Variants in CHIT1 observed in about 807,000 individuals in gnomAD.
CHIT1 encodes chitinase 1, also known as chitotriosidase-1.
A neutral mutation model predicts 52.0 loss-of-function variants in CHIT1; 47 were observed. The ratio of observed to expected loss-of-function variants is 0.90; its 90% CI spans 0.71 to 1.15. The LOEUF is 1.15. Ranked by LOEUF, CHIT1 falls within the 50% of genes most tolerant of loss-of-function variation. The pLI is 0.00. For synonymous variants in CHIT1, 242 were observed against 228.2 expected (o/e 1.06, Z -0.54); for missense variants, 569 against 583.0 (o/e 0.98, Z 0.25).
rs375080789 is a variant in CHIT1 at position 203,224,956 on chromosome 1, C to T, written c.314+92G>A. On this transcript the variant is annotated intron_variant, in intron 4 of 10. Coordinates refer to ENST00000367229, the MANE Select transcript of CHIT1 (RefSeq NM_003465.3). ...CCCTTTCCCCTGACCACACCTCAGCCTGGCCTGATTCCCTGACCAGGGCTC... is the reference window on the plus strand; with the variant it reads ...CCCTTTCCCCTGACCACACCTCAGCTTGGCCTGATTCCCTGACCAGGGCTC... 9.2e-5 allele frequency: 110 copies of T among 1,196,430 alleles called. No individual in the cohort carries two copies. In the East Asian group the frequency reaches 2.0e-3, roughly 22 times the overall value. 74.1% of individuals were successfully genotyped at this position (1,196,430 alleles called of 1,614,324 possible). A position where few individuals can be genotyped will look rare whatever the true frequency, so the allele number is the denominator to read the frequency against.
At chr1:203,228,640 A>G (rs551862478) in intron 1 of CHIT1, 78 bp from the exon 2 acceptor site, 4 of 1,497,938 alleles carry the variant, frequency 2.7e-6, no homozygotes, top group East Asian at 4.9e-5. Context: ...ACGGAAGCAC[A>G]GGAGGTGGTC....
intron 7 of CHIT1, 102 bp downstream of exon 7, chr1:203,222,100 C>T: frequency 1.3e-6 from 2 of 1,516,864 alleles, no homozygotes; most frequent in Admixed American, 1.7e-5. Context: ...TTCTCAGTGC[C>T]CTGTGTCTTT....
intron 2 of CHIT1, 114 bp downstream of exon 2, chr1:203,228,419 G>T (rs1056649284): frequency 8.7e-7 from 1 of 1,147,066 alleles, no homozygotes; most frequent in Non-Finnish European, 1.3e-6. Context: ...AGCTTTGGAA[G>T]AGAGTCCCCA....
At chr1:203,217,504 G>T (rs1276052115) in intron 10 of CHIT1, 3 of 1,120,064 alleles carry the variant, frequency 2.7e-6, no homozygotes, top group East Asian at 2.7e-5. Context: ...GGGAAGCCAC[G>T]GTTACAACAA....
chr1:203,216,984 T>A lies in CHIT1; in HGVS notation c.1306A>T (p.Ser436Cys), dbSNP rs374174850. The change falls in exon 11 of 11, where the codon AGC becomes TGC. Residue 436 changes from serine to cysteine, a missense_variant. Transcript: ENST00000367229. ...GLYPNPRERS[S>C]FYSCAAGRLF... ...CGCCCCGCTGCACAGCTGTAGAAGC[T>A]GGACCGTTCCCGAGGATTGGGATAG... 1 of 1,614,194 alleles carries A rather than the reference T, an allele frequency of 6.2e-7. No individual in the cohort carries two copies. Among genetic ancestry groups the A allele is most frequent in the South Asian group, 1.1e-5 (1 of 91,088 alleles).
At chr1:203,222,106 T>C (rs1656757663) in intron 7 of CHIT1, 96 bp downstream of exon 7, 1 of 1,552,544 alleles carries the variant, frequency 6.4e-7, no homozygotes, top group South Asian at 1.1e-5. Flanking sequence ...GTGCCCTGTG[T>C]CTTTTTTCCC....
At chr1:203,223,773 G>A in intron 4 of CHIT1, 113 bp from the exon 5 acceptor site, 1 of 1,125,584 alleles carries the variant, frequency 8.9e-7, no homozygotes, top group South Asian at 1.2e-5. Flanking sequence ...GTCTGGGCTA[G>A]GAGGGGCACT....
At position 203,223,628 on chromosome 1, in the gene CHIT1, C is replaced by CAAA. The variant is rs1310672235; in HGVS notation, c.346_347insTTT (p.Arg116delinsLeuCys). ...GATGGCCGAGTTGACAAAGGTCTGACGGTTGTTGGCCGTGGCTACCATATC... is the reference window on the plus strand; with the variant it reads ...GATGGCCGAGTTGACAAAGGTCTGACAAAGGTTGTTGGCCGTGGCTACCATATC... On this transcript the variant is annotated protein_altering_variant, in exon 5 of 11. Transcript: ENST00000367229. 1 of 1,614,112 alleles carries CAAA rather than the reference C, an allele frequency of 6.2e-7. No homozygotes were observed. Among genetic ancestry groups the CAAA allele is most frequent in the East Asian group, 2.2e-5 (1 of 44,902 alleles).
chr1:203,221,120 C>T (rs1028757090), intron 7 of CHIT1, among the ~76,000 whole-genome samples: 1 of 152,186 alleles, frequency 6.6e-6, no homozygotes. Context: ...CAAAGAGGTG[C>T]TCTTTATTCA....
chr1:203,217,058 C>A lies in CHIT1; in HGVS notation c.1232G>T (p.Gly411Val), dbSNP rs948802249. 7 of 1,613,724 alleles carry A rather than the reference C, an allele frequency of 4.3e-6. No individual in the cohort carries two copies. Among genetic ancestry groups the A allele is most frequent in the Admixed American group, 1.7e-5 (1 of 60,004 alleles). Reference sequence around the variant, plus strand: ...GAACGTGTCTTGTCCAGGGCTGGGGCCATGCTCAGGTTCAGAGGGCTGACC... The same window carrying A: ...GAACGTGTCTTGTCCAGGGCTGGGGACATGCTCAGGTTCAGAGGGCTGACC... The part of the protein sequence containing the change: ...KPGQPSEPEH[G>V]PSPGQDTFCQ... Residue 411 changes from glycine (G) to valine (V), a missense_variant, in exon 11 of 11, where the codon GGC (glycine) becomes GTC (valine). By Grantham distance (109) the Gly-to-Val change is moderately radical (BLOSUM62 -3). Transcript: ENST00000367229.
Position 203,216,796 on chromosome 1 carries a change from C to T in CHIT1, c.*93G>A, listed in dbSNP as rs775890263. ...AAGACCACAGAAAGGCCTGCAGGAG[C>T]CAGATTGCGGCCCCCAGGGAAAACC... On this transcript the variant is annotated 3_prime_UTR_variant, in exon 11 of 11. Transcript: ENST00000367229. 1 of 1,549,742 alleles carries T rather than the reference C, an allele frequency of 6.5e-7. No homozygotes were observed. Among genetic ancestry groups the T allele is most frequent in the African/African-American group, 1.4e-5 (1 of 73,646 alleles).
Position 203,222,231 on chromosome 1 carries a change from C to G in CHIT1, c.700G>C (p.Glu234Gln). The G allele has an allele frequency of 6.2e-7, 1 of 1,614,224 alleles. No individual in the cohort carries two copies. The highest frequency in any genetic ancestry group is 8.5e-7 in the Non-Finnish European group (1 of 1,180,052). Residue 234 changes from glutamate (E) to glutamine (Q), a missense_variant, in exon 7 of 11, where the codon GAG becomes CAG. Physicochemically the swap from Glu to Gln is conservative, Grantham distance 29. Coordinates refer to ENST00000367229, the MANE Select transcript of CHIT1 (RefSeq NM_003465.3). ...HNSPLYKRQE[E>Q]SGAAASLNVD... ...TTGAGGCTGGCTGCTGCACCACTCT[C>G]TTCTTGCCTCTTGTAGAGGGGGCTG... is the stretch of plus-strand genomic sequence containing the variant.
Position 203,223,539 on chromosome 1 carries a change from C to T in CHIT1, c.436G>A (p.Gly146Arg), listed in dbSNP as rs757592910. ...DLDWEYPGSQ[G>R]SPAVDKERFT... Reference sequence around the variant, plus strand: ...CGCTCCTTGTCTACGGCAGGGCTCCCCTGGCTTCCTGGGTACTCCCAGTCA... The same window carrying T: ...CGCTCCTTGTCTACGGCAGGGCTCCTCTGGCTTCCTGGGTACTCCCAGTCA... Residue 146 changes from glycine (G) to arginine (R), a missense_variant, in exon 5 of 11, where the codon GGG becomes AGG. Gly to Arg is a moderately radical substitution (Grantham distance 125). Coordinates refer to ENST00000367229, the MANE Select transcript of CHIT1 (RefSeq NM_003465.3). The T allele has an allele frequency of 6.8e-6, 11 of 1,614,108 alleles. No homozygotes were observed. Among genetic ancestry groups the T allele is most frequent in the African/African-American group, 1.3e-5 (1 of 74,940 alleles).
At chr1:203,223,806 C>T (rs1278276860) in intron 4 of CHIT1, 146 bp from the exon 5 acceptor site, 3 of 846,458 alleles carry the variant, frequency 3.5e-6, no homozygotes, top group African/African-American at 3.3e-5. Flanking sequence ...TCAGAGGCTG[C>T]AGGGATATTT....
intron 1 of CHIT1, 83 bp from the exon 2 acceptor site, chr1:203,228,645 G>T: frequency 6.8e-7 from 1 of 1,475,202 alleles, no homozygotes; most frequent in Non-Finnish European, 9.3e-7. Context: ...AGCACAGGAG[G>T]TGGTCAGGGA....
rs1281813541 is a variant in CHIT1 at position 203,216,124 on chromosome 1, C to G, written c.*765G>C. ...TTAACCAGGACACCGTGTGCATGCTCTCTGGCCCATTTCAGGCCTTGGTTC... is the reference window on the plus strand; with the variant it reads ...TTAACCAGGACACCGTGTGCATGCTGTCTGGCCCATTTCAGGCCTTGGTTC... On this transcript the variant is annotated 3_prime_UTR_variant, in exon 11 of 11. Coordinates refer to ENST00000367229, the MANE Select transcript of CHIT1 (RefSeq NM_003465.3). 2.2e-6 allele frequency: 1 copy of G among 454,044 alleles called. No individual in the cohort carries two copies. The highest frequency in any genetic ancestry group is 4.4e-6 in the Non-Finnish European group (1 of 226,806). 28.1% of individuals were successfully genotyped at this position (454,044 alleles called of 1,614,324 possible).
chr1:203,223,486 C>A lies in CHIT1; in HGVS notation c.480+9G>T, dbSNP rs1437368711. On this transcript the variant is annotated intron_variant, in intron 5 of 10. Coordinates refer to ENST00000367229, the MANE Select transcript of CHIT1 (RefSeq NM_003465.3). The stretch of plus-strand genomic sequence containing the variant: ...ACAGACTGGTGATCCCCGCCCCGCC[C>A]AGCCATACCTGTACCAGGGTTGTGA... The A allele has an allele frequency of 6.2e-7, 1 of 1,613,996 alleles. No homozygotes were observed. The highest frequency in any genetic ancestry group is 2.2e-5 in the East Asian group (1 of 44,878).
At chr1:203,218,108 G>A (rs1248438689) in intron 9 of CHIT1, 1 of 1,474,474 alleles carries the variant, frequency 6.8e-7, no homozygotes, top group Non-Finnish European at 9.0e-7. Flanking sequence ...TGGGGTGGGT[G>A]CAGTCGGGAG....
At chr1:203,227,647 G>A (rs2102244967) in intron 2 of CHIT1, among the ~76,000 whole-genome samples, 1 of 152,298 alleles carries the variant, frequency 6.6e-6, no homozygotes, top group South Asian at 2.1e-4. Context: ...ACACTCGGAG[G>A]AACACTGCAA....
Sources: allele counts gnomAD v4.1 joint callset (sites outside exome capture counted in the v4.1 genomes callset), GRCh38; gene constraint gnomAD v4.1.1; transcripts MANE v1.5; gene names NCBI Gene and HGNC (gene_info 2026-07-23, HGNC 2026-07-21).